The following ABCG8 variants were observed in gnomAD, a reference collection of about 807,000 sequenced individuals.
ABCG8 encodes the protein ATP binding cassette subfamily G member 8, also known as ATP-binding cassette sub-family G member 8.
A neutral mutation model predicts 71.3 loss-of-function variants in ABCG8; 81 were observed. The ratio of observed to expected loss-of-function variants is 1.14; its 90% CI spans 0.95 to 1.37. The LOEUF is 1.37. Ranked by LOEUF, ABCG8 falls within the 40% of genes most tolerant of loss-of-function variation. The pLI, the probability that ABCG8 is intolerant of heterozygous loss-of-function variation, is 0.00. For missense variants in ABCG8, 1,119 were observed against 866.2 expected (o/e 1.29, Z -3.66); for synonymous variants, 451 against 354.7 (o/e 1.27, Z -3.05).
chr2:43,863,301 A>T (rs772158243), intron 6 of ABCG8, among the ~76,000 whole-genome samples: 5 of 151,384 alleles, frequency 3.3e-5, no homozygotes, highest in Admixed American at 6.6e-5. Flanking sequence ...CACAATCTGG[A>T]TAGAACTCTC....
chr2:43,852,810 G>A lies in ABCG8; in HGVS notation c.906G>A (p.Gln302=), dbSNP rs754119130. The A allele has an allele frequency of 5.6e-6, 9 of 1,614,000 alleles. 1 individual carries two copies. In the South Asian group the frequency reaches 7.7e-5, roughly 14 times the overall value. Reference sequence around the variant, plus strand: ...TAGGGGCGGCCCAGCACATGGTCCAGTATTTCACAGCCATCGGCTACCCCT... The same window carrying A: ...TAGGGGCGGCCCAGCACATGGTCCAATATTTCACAGCCATCGGCTACCCCT... ...IYLGAAQHMV[Q]YFTAIGYPCP... The change falls in exon 6 of 13, where the codon CAG becomes CAA. Residue 302 remains glutamine (Q), a synonymous_variant. Coordinates refer to ENST00000272286, the MANE Select transcript of ABCG8 (RefSeq NM_022437.3).
At chr2:43,842,183 T>A (rs1034928962) in intron 1 of ABCG8, among the ~76,000 whole-genome samples, 4 of 152,104 alleles carry the variant, frequency 2.6e-5, no homozygotes, top group Non-Finnish European at 4.4e-5. Context: ...CAATTTTTTT[T>A]TGTATTTTTA....
chr2:43,856,858 C>G (rs1050329561), intron 6 of ABCG8, among the ~76,000 whole-genome samples: 1 of 151,446 alleles, frequency 6.6e-6, no homozygotes, highest in Non-Finnish European at 1.5e-5. Flanking sequence ...AATTCTCACT[C>G]TCTGGATAAA....
intron 6 of ABCG8, among the ~76,000 whole-genome samples, chr2:43,870,890 G>A (rs72798836): frequency 0.054 from 8,122 of 151,316 alleles, 245 homozygotes; most frequent in Middle Eastern, 0.12. Flanking sequence ...ATCTCTCACT[G>A]TCTGTCTGGA....
chr2:43,839,138 G>C, intron 1 of ABCG8, 22 bp downstream of exon 1: 4 of 1,550,954 alleles, frequency 2.6e-6, no homozygotes, highest in Non-Finnish European at 3.5e-6. Flanking sequence ...ATGGGAAGTC[G>C]GCCCAGGCCT....
chr2:43,842,572 T>C (rs1222506401), intron 1 of ABCG8, among the ~76,000 whole-genome samples: 1 of 151,968 alleles, frequency 6.6e-6, no homozygotes, highest in Non-Finnish European at 1.5e-5. Context: ...ACTCTGGAGT[T>C]CTACTCACTG....
rs1572834263 is a variant in ABCG8, at chr2:43,851,824, T to C, written c.561+2T>C. ...TCCCAGGCCCAGCGTGACAAAAGGG[T>C]AACTAACTGGCCCCAGTGGTGACCC... On this transcript the variant is annotated splice_donor_variant, in intron 4 of 12. Transcript: ENST00000272286. LOFTEE classifies it high-confidence loss of function. 6.2e-7 allele frequency: 1 copy of C among 1,613,804 alleles called. No homozygotes were observed. Among genetic ancestry groups the C allele is most frequent in the Non-Finnish European group, 8.5e-7 (1 of 1,179,934 alleles).
chr2:43,864,337 A>G (rs896170907), intron 6 of ABCG8, among the ~76,000 whole-genome samples: 2 of 149,960 alleles, frequency 1.3e-5, no homozygotes, highest in South Asian at 4.2e-4. Context: ...TAGAATTTTC[A>G]CTCTCTGGAT....
rs1572825485 is a variant in ABCG8, at chr2:43,846,008, G to A, written c.166-147G>A. On this transcript the variant is annotated intron_variant, in intron 2 of 12. Coordinates refer to ENST00000272286, the MANE Select transcript of ABCG8 (RefSeq NM_022437.3). ...ATGGGTCCTGCTTCCGTGTTTGGTA[G>A]AACCTGGGTTGGGGCCTATTGTGTG... The A allele has an allele frequency of 1.6e-5, 13 of 789,126 alleles. No homozygotes were observed. The South Asian group carries it at 1.9e-4, about 12-fold the overall frequency. 48.9% of individuals were successfully genotyped at this position (789,126 alleles called of 1,614,324 possible).
intron 3 of ABCG8, among the ~76,000 whole-genome samples, chr2:43,849,207 G>T (rs1668837400): frequency 6.6e-6 from 1 of 152,082 alleles, no homozygotes; most frequent in African/African-American, 2.4e-5. Context: ...CATGGAAGGT[G>T]TATTAGTCCG....
At chr2:43,865,107 G>A (rs796802842) in intron 6 of ABCG8, among the ~76,000 whole-genome samples, 1 of 132,584 alleles carries the variant, frequency 7.5e-6, no homozygotes, top group African/African-American at 2.9e-5. Flanking sequence ...TGGATAGAAC[G>A]CTCACTGTCT....
chr2:43,852,358 A>G lies in ABCG8; in HGVS notation c.566A>G (p.Glu189Gly), dbSNP rs941090418. The G allele has an allele frequency of 6.2e-6, 10 of 1,612,184 alleles. No individual in the cohort carries two copies. Among genetic ancestry groups the G allele is most frequent in the Non-Finnish European group, 8.5e-6 (10 of 1,179,992 alleles). The part of the protein sequence containing the change: ...FSQAQRDKRV[E>G]DVIAELRLRQ... ...AAAGCTCCTTCTGGCCCACAGGTGG[A>G]GGACGTGATCGCGGAGCTGCGGCTT... Residue 189 changes from glutamate (E) to glycine (G), a missense_variant, in exon 5 of 13, where the codon GAG (glutamate) becomes GGG (glycine). Coordinates refer to ENST00000272286, the MANE Select transcript of ABCG8 (RefSeq NM_022437.3).
chr2:43,839,903 C>CT (rs1468060661), intron 1 of ABCG8, among the ~76,000 whole-genome samples: 1 of 152,116 alleles, frequency 6.6e-6, no homozygotes, highest in African/African-American at 2.4e-5. Flanking sequence ...AACAGGCAAT[C>CT]GTAAGTTCTG....
At chr2:43,844,412 T>C (rs1668674243) in intron 1 of ABCG8, 95 bp from the exon 2 acceptor site, 2 of 971,924 alleles carry the variant, frequency 2.1e-6, no homozygotes, top group Non-Finnish European at 3.3e-6. Context: ...ACGTCGGCTC[T>C]AAGAAGTTGC....
chr2:43,852,826 G>C lies in ABCG8; in HGVS notation c.922G>C (p.Gly308Arg), dbSNP rs749564472. The C allele has an allele frequency of 6.2e-7, 1 of 1,614,080 alleles. No homozygotes were observed. Among genetic ancestry groups the C allele is most frequent in the Middle Eastern group, 1.6e-4 (1 of 6,062 alleles). Residue 308 changes from glycine (G) to arginine (R), a missense_variant, in exon 6 of 13, where the codon GGC becomes CGC. By Grantham distance (125) the Gly-to-Arg change is moderately radical. Coordinates refer to ENST00000272286, the MANE Select transcript of ABCG8 (RefSeq NM_022437.3). ...QHMVQYFTAIGYPCPRYSNPA... is the reference protein window; with the variant it reads ...QHMVQYFTAIRYPCPRYSNPA... The stretch of plus-strand genomic sequence containing the variant: ...CATGGTCCAGTATTTCACAGCCATC[G>C]GCTACCCCTGTCCTCGCTACAGCAA...
Position 43,851,798 on chromosome 2 carries a change from C to A in ABCG8, c.537C>A (p.Phe179Leu). ...FIAQMRLPRTFSQAQRDKRVE... is the reference protein window; with the variant it reads ...FIAQMRLPRTLSQAQRDKRVE... ...CCCAGATGCGGCTGCCCAGAACCTTCTCCCAGGCCCAGCGTGACAAAAGGG... is the reference window on the plus strand; with the variant it reads ...CCCAGATGCGGCTGCCCAGAACCTTATCCCAGGCCCAGCGTGACAAAAGGG... Residue 179 changes from phenylalanine (F) to leucine (L), a missense_variant, in exon 4 of 13, where the codon TTC becomes TTA. Coordinates refer to ENST00000272286, the MANE Select transcript of ABCG8 (RefSeq NM_022437.3). The A allele has an allele frequency of 3.7e-6, 6 of 1,614,228 alleles. No homozygotes were observed. The highest frequency in any genetic ancestry group is 5.1e-6 in the Non-Finnish European group (6 of 1,180,034).
chr2:43,861,152 C>T (rs565682219), intron 6 of ABCG8, among the ~76,000 whole-genome samples: 1 of 151,360 alleles, frequency 6.6e-6, no homozygotes, highest in African/African-American at 2.4e-5. Flanking sequence ...ATAGAGCTCT[C>T]GCTATCTGTC....
intron 1 of ABCG8, among the ~76,000 whole-genome samples, chr2:43,842,301 C>T: frequency 6.6e-6 from 1 of 152,220 alleles, no homozygotes; most frequent in East Asian, 1.9e-4. Context: ...GCATGAGCCA[C>T]TGCGCACAGC....
At chr2:43,870,401 G>T (rs1485674459) in intron 6 of ABCG8, among the ~76,000 whole-genome samples, 1 of 151,548 alleles carries the variant, frequency 6.6e-6, no homozygotes, top group African/African-American at 2.4e-5. Flanking sequence ...TTCTCAGGCT[G>T]TGGATATAAC....
Sources: gnomAD v4.1 joint callset for allele counts (sites outside exome capture counted in the v4.1 genomes callset) on GRCh38, gnomAD v4.1.1 for gene constraint, MANE v1.5 for transcripts, NCBI Gene and HGNC (gene_info 2026-07-23, HGNC 2026-07-21) for gene names.